Variants in RBFOX1 observed in about 807,000 individuals in gnomAD.
RBFOX1 encodes RNA binding protein fox-1 homolog 1.
RBFOX1 carries 8 observed loss-of-function variants against 57.7 expected under a neutral mutation model. The observed-to-expected ratio is 0.14, with a 90% CI of 0.08 to 0.25. RBFOX1 has a LOEUF of 0.25. Ranked by LOEUF, RBFOX1 falls within the 10% of genes least tolerant of loss-of-function variation. The pLI is 1.00. For missense variants in RBFOX1, 611 were observed against 548.5 expected (o/e 1.11, Z -1.14); for synonymous variants, 326 against 222.4 (o/e 1.47, Z -4.15).
At chr16:7,194,063 C>G (rs1441485730) in intron 4 of RBFOX1, among the ~76,000 whole-genome samples, 1 of 151,756 alleles carries the variant, frequency 6.6e-6, no homozygotes, top group African/African-American at 2.4e-5. Context: ...AACATTGAAT[C>G]AATTATTGGG....
chr16:6,527,900 G>A (rs536579213), intron 2 of RBFOX1, among the ~76,000 whole-genome samples: 12 of 152,138 alleles, frequency 7.9e-5, no homozygotes, highest in South Asian at 2.1e-4. Flanking sequence ...CCTCAGTCAC[G>A]ATTCCATGCT....
chr16:7,186,437 T>A (rs1268808498), intron 4 of RBFOX1, among the ~76,000 whole-genome samples: 2 of 122,758 alleles, frequency 1.6e-5, no homozygotes, highest in South Asian at 5.5e-4. Context: ...AACATAAACA[T>A]ATTTATATAA....
intron 4 of RBFOX1, among the ~76,000 whole-genome samples, chr16:7,349,382 C>A (rs958609891): frequency 5.3e-5 from 8 of 152,148 alleles, no homozygotes; most frequent in Admixed American, 2.0e-4. Context: ...AAAACTAAAT[C>A]CTCCTCCTAA....
At chr16:5,827,573 C>G (rs1326124408) in intron 3 of RBFOX1, among the ~76,000 whole-genome samples, 1 of 152,072 alleles carries the variant, frequency 6.6e-6, no homozygotes, top group African/African-American at 2.4e-5. Flanking sequence ...TTTAGGCTTT[C>G]TGATCATACT....
chr16:6,079,590 C>A (rs1482610003), intron 1 of RBFOX1, among the ~76,000 whole-genome samples: 5 of 151,816 alleles, frequency 3.3e-5, no homozygotes, highest in South Asian at 2.1e-4. Context: ...AATAAGCTAC[C>A]ACTCCTGGCT....
chr16:7,518,964 A>T (rs1162595607), intron 5 of RBFOX1, among the ~76,000 whole-genome samples: 1 of 152,218 alleles, frequency 6.6e-6, no homozygotes, highest in Admixed American at 6.5e-5. Context: ...TTGAGGCTGC[A>T]GTGAGCTAAG....
At chr16:7,006,738 A>T (rs1354417942) in intron 3 of RBFOX1, among the ~76,000 whole-genome samples, 1 of 152,178 alleles carries the variant, frequency 6.6e-6, no homozygotes, top group African/African-American at 2.4e-5. Context: ...ATGAGCCACC[A>T]TGCCTGGCAA....
chr16:7,509,655 C>A (rs538120292), intron 4 of RBFOX1, among the ~76,000 whole-genome samples: 9 of 152,276 alleles, frequency 5.9e-5, no homozygotes, highest in African/African-American at 2.2e-4. Context: ...GATCGATTTG[C>A]AGTTAACCAC....
intron 1 of RBFOX1, among the ~76,000 whole-genome samples, chr16:5,411,053 T>G (rs2067009107): frequency 6.6e-6 from 1 of 152,192 alleles, no homozygotes; most frequent in Non-Finnish European, 1.5e-5. Context: ...TCCTCCTCCA[T>G]AGTGGGCTGA....
At chr16:6,900,666 C>T (rs1019523828) in intron 3 of RBFOX1, among the ~76,000 whole-genome samples, 1 of 152,178 alleles carries the variant, frequency 6.6e-6, no homozygotes, top group Admixed American at 6.5e-5. Context: ...CTCGTCCCAC[C>T]AACATCACTA....
At chr16:7,626,780 A>C (rs1349861797) in intron 10 of RBFOX1, among the ~76,000 whole-genome samples, 1 of 152,248 alleles carries the variant, frequency 6.6e-6, no homozygotes, top group African/African-American at 2.4e-5. Context: ...TTGAAAAAAA[A>C]CACTATTTTT....
intron 3 of RBFOX1, chr16:5,610,259 T>G (rs552171998): frequency 6.6e-6 from 1 of 152,284 alleles, no homozygotes; most frequent in African/African-American, 2.4e-5. Context: ...CAGTCGCTAC[T>G]TGTTGAAAGA....
intron 1 of RBFOX1, among the ~76,000 whole-genome samples, chr16:5,358,690 G>A (rs1316057147): frequency 6.6e-6 from 1 of 152,174 alleles, no homozygotes; most frequent in East Asian, 1.9e-4. Flanking sequence ...GGGTGTGGTG[G>A]CGCATGTATG....
chr16:6,814,359 T>C (rs900457069), intron 3 of RBFOX1, among the ~76,000 whole-genome samples: 1 of 152,186 alleles, frequency 6.6e-6, no homozygotes, highest in Non-Finnish European at 1.5e-5. Context: ...CCTAAGTGTT[T>C]CCATTTCTTT....
chr16:7,308,912 G>A (rs2142435099), intron 4 of RBFOX1, among the ~76,000 whole-genome samples: 1 of 152,314 alleles, frequency 6.6e-6, no homozygotes, highest in Middle Eastern at 3.4e-3. Flanking sequence ...TACTCCATCT[G>A]ATGATTTATA....
At chr16:6,803,760 G>T (rs1385864945) in intron 3 of RBFOX1, among the ~76,000 whole-genome samples, 1 of 152,132 alleles carries the variant, frequency 6.6e-6, no homozygotes, top group Non-Finnish European at 1.5e-5. Flanking sequence ...TCTATTACTT[G>T]TGAGAGAATA....
rs957594515 is a variant in RBFOX1, at chr16:6,931,645, A to T, written c.-15-120412A>T. ...TTTGTCTTTGCCAGCTTCTATCCCT[A>T]TTTGAGAGATGAGAAAACTAATGAA... On this transcript the variant is annotated intron_variant, in intron 3 of 15. Coordinates refer to ENST00000550418, the MANE Select transcript of RBFOX1 (RefSeq NM_018723.4). 2.6e-5 allele frequency among the ~76,000 whole-genome samples: 4 copies of T among 152,086 alleles called. No homozygotes were observed. The South Asian group carries it at 6.2e-4, about 24-fold the overall frequency.
At chr16:6,107,860 G>C (rs1379264385) in intron 1 of RBFOX1, among the ~76,000 whole-genome samples, 1 of 152,002 alleles carries the variant, frequency 6.6e-6, no homozygotes, top group Non-Finnish European at 1.5e-5. Context: ...ATTAATAGTT[G>C]ATTCTATTAA....
At chr16:7,291,735 G>A (rs977496847) in intron 4 of RBFOX1, among the ~76,000 whole-genome samples, 1 of 151,818 alleles carries the variant, frequency 6.6e-6, no homozygotes, top group African/African-American at 2.4e-5. Flanking sequence ...CTGAGATGCA[G>A]CCTGTGAGGA....
Sources: allele counts gnomAD v4.1 joint callset (sites outside exome capture counted in the v4.1 genomes callset), GRCh38; gene constraint gnomAD v4.1.1; transcripts MANE v1.5; gene names NCBI Gene and HGNC (gene_info 2026-07-23, HGNC 2026-07-21).